RALGAPB: variants seen among roughly 807,000 people sequenced by gnomAD.
RALGAPB encodes Ral GTPase activating protein non-catalytic subunit beta, also known as ral GTPase-activating protein subunit beta.
Under a neutral mutation model 161.1 loss-of-function variants are expected in RALGAPB, and 25 were observed. That is an observed-to-expected ratio of 0.16 (90% CI 0.11 to 0.22). The LOEUF is 0.22. Ranked by LOEUF, RALGAPB falls within the 10% of genes least tolerant of loss-of-function variation. RALGAPB has a pLI of 1.00. For missense variants in RALGAPB, 1,391 were observed against 1,815.2 expected (o/e 0.77, Z 4.25); for synonymous variants, 629 against 626.1 (o/e 1.00, Z -0.07).
chr20:38,531,952 A>G (rs1305228708), intron 14 of RALGAPB, among the ~76,000 whole-genome samples: 1 of 152,248 alleles, frequency 6.6e-6, no homozygotes, highest in Non-Finnish European at 1.5e-5. Flanking sequence ...GCCCCTATAC[A>G]TACGGGAGTT....
chr20:38,517,795 T>C lies in RALGAPB; in HGVS notation c.1212T>C (p.Ala404=). ...TGTTCGTCTAATAGGTTAGTACTGC[T>C]CATGCCTCTAAAGTTCAGCACCAGA... is the stretch of plus-strand genomic sequence containing the variant. The part of the protein sequence containing the change: ...ATMKTSTVST[A]HASKVQHQTS... The change falls in exon 9 of 30, where the codon GCT becomes GCC. Residue 404 remains alanine (A), a synonymous_variant. Coordinates refer to ENST00000262879, the MANE Select transcript of RALGAPB (RefSeq NM_020336.4). 1.9e-6 allele frequency: 3 copies of C among 1,613,056 alleles called. No homozygotes were observed. Among genetic ancestry groups the C allele is most frequent in the Non-Finnish European group, 2.5e-6 (3 of 1,178,982 alleles).
chr20:38,497,664 C>T, intron 4 of RALGAPB, 148 bp downstream of exon 4: 1 of 879,440 alleles, frequency 1.1e-6, no homozygotes, highest in South Asian at 1.8e-5. Flanking sequence ...TGGAAACTCT[C>T]AGGCACAATA....
At chr20:38,540,641 A>AAT (rs1469706521) in intron 17 of RALGAPB, among the ~76,000 whole-genome samples, 1 of 152,160 alleles carries the variant, frequency 6.6e-6, no homozygotes, top group Admixed American at 6.5e-5. Flanking sequence ...TGGATATTAT[A>AAT]ATATGTCTTA....
At chr20:38,520,648 C>G (rs1380137376) in intron 9 of RALGAPB, among the ~76,000 whole-genome samples, 2 of 148,890 alleles carry the variant, frequency 1.3e-5, no homozygotes, top group Non-Finnish European at 3.0e-5. Flanking sequence ...TTATTTAGGA[C>G]TAAAAATGGC....
chr20:38,539,865 T>A lies in RALGAPB; in HGVS notation c.2469T>A (p.Pro823=), dbSNP rs61737886. ...TTTATCAGTGTAGTCGGCCAGCTCC[T>A]TTACACTCCAGGGATCTGCACTCCA... ...YIVYQCSRPA[P]LHSRDLHSMI... The change falls in exon 17 of 30, where the codon CCT becomes CCA. Residue 823 remains proline, a synonymous_variant. Transcript: ENST00000262879. The A allele has an allele frequency of 2.3e-4, 378 of 1,614,134 alleles. 1 individual carries two copies. The African/African-American group carries it at 4.5e-3, about 19-fold the overall frequency.
intron 16 of RALGAPB, among the ~76,000 whole-genome samples, chr20:38,535,560 C>G (rs1482633449): frequency 6.6e-6 from 1 of 151,238 alleles, no homozygotes; most frequent in African/African-American, 2.4e-5. Flanking sequence ...CTGCCATCCT[C>G]CATTATCAGA....
intron 21 of RALGAPB, among the ~76,000 whole-genome samples, chr20:38,552,420 C>T (rs2087409496): frequency 6.6e-6 from 1 of 152,170 alleles, no homozygotes; most frequent in Non-Finnish European, 1.5e-5. Context: ...CTGAGAATTA[C>T]AGGTGTAAGC....
intron 27 of RALGAPB, 42 bp downstream of exon 27, chr20:38,570,038 A>G (rs1253145014): frequency 2.0e-6 from 3 of 1,501,998 alleles, no homozygotes; most frequent in Non-Finnish European, 2.8e-6. Context: ...ATGGCAATAT[A>G]TGACAGTGAC....
At chr20:38,508,200 A>G (rs2085824767) in intron 5 of RALGAPB, among the ~76,000 whole-genome samples, 1 of 151,962 alleles carries the variant, frequency 6.6e-6, no homozygotes, top group Non-Finnish European at 1.5e-5. Context: ...TTACATATAA[A>G]CATATAAATG....
rs1278311931 is a variant in RALGAPB, at chr20:38,578,490, T to C, written c.*3523T>C. 2.6e-5 allele frequency: 4 copies of C among 152,634 alleles called. No individual in the cohort carries two copies. The highest frequency in any genetic ancestry group is 4.4e-5 in the Non-Finnish European group (3 of 68,034). 9.5% of individuals were successfully genotyped at this position (152,634 alleles called of 1,614,324 possible). A position where few individuals can be genotyped will look rare whatever the true frequency, so the allele number is the denominator to read the frequency against. On this transcript the variant is annotated 3_prime_UTR_variant, in exon 30 of 30. Transcript: ENST00000262879. Reference sequence around the variant, plus strand: ...GCAAACCAAGTTTCCCAAGTCCTCATCTCTTATAGTGACCAAGACATCTTT... The same window carrying C: ...GCAAACCAAGTTTCCCAAGTCCTCACCTCTTATAGTGACCAAGACATCTTT...
chr20:38,483,183 C>G (rs1329917960), intron 1 of RALGAPB, among the ~76,000 whole-genome samples: 2 of 152,244 alleles, frequency 1.3e-5, no homozygotes, highest in Non-Finnish European at 2.9e-5. Context: ...GCCACCATAC[C>G]TGGCCTTATT....
chr20:38,550,751 G>A (rs2087347393), intron 20 of RALGAPB, among the ~76,000 whole-genome samples: 1 of 152,180 alleles, frequency 6.6e-6, no homozygotes, highest in African/African-American at 2.4e-5. Flanking sequence ...GAGAGTTTGA[G>A]TCTTAAAGCT....
chr20:38,499,881 T>C (rs902077573), intron 5 of RALGAPB: 4 of 285,542 alleles, frequency 1.4e-5, no homozygotes, highest in African/African-American at 6.5e-5. Flanking sequence ...AAAATTCCAC[T>C]CTTATTTTGA....
intron 15 of RALGAPB, 71 bp downstream of exon 15, chr20:38,532,930 A>T (rs2086700488): frequency 6.8e-7 from 1 of 1,475,752 alleles, no homozygotes; most frequent in African/African-American, 1.4e-5. Flanking sequence ...TAAAACAAAA[A>T]CATTAAAAAT....
intron 2 of RALGAPB, among the ~76,000 whole-genome samples, chr20:38,489,226 T>C (rs2085207465): frequency 6.6e-6 from 1 of 152,222 alleles, no homozygotes; most frequent in Non-Finnish European, 1.5e-5. Context: ...TCACTCATGC[T>C]GGTGTGCAGT....
chr20:38,513,481 TG>T (rs1254919858), intron 6 of RALGAPB, among the ~76,000 whole-genome samples: 1 of 20,638 alleles, frequency 4.8e-5, no homozygotes, highest in South Asian at 1.7e-3. Context: ...CGGTGGGGGG[TG>T]GGGGGGAAGC....
rs1181077460 is a variant in RALGAPB, at chr20:38,518,018, A to C, written c.1417+18A>C. On this transcript the variant is annotated intron_variant, in intron 9 of 29. Coordinates refer to ENST00000262879, the MANE Select transcript of RALGAPB (RefSeq NM_020336.4). ...CATGACTGGTAAATATTACTCAAGA[A>C]ATATGTTATCATTATTTTCCTTTTC... 6.3e-7 allele frequency: 1 copy of C among 1,574,948 alleles called. No individual in the cohort carries two copies. The highest frequency in any genetic ancestry group is 8.7e-7 in the Non-Finnish European group (1 of 1,144,610).
rs887346178 is a variant in RALGAPB at position 38,525,020 on chromosome 20, C to T, written c.1787+75C>T. On this transcript the variant is annotated intron_variant, in intron 11 of 29. Transcript: ENST00000262879. Reference sequence around the variant, plus strand: ...CTGTTGGTGCTTCCTCCCCAGTTTCCTAATGTATCCTGTCCAGTTGTCTTC... The same window carrying T: ...CTGTTGGTGCTTCCTCCCCAGTTTCTTAATGTATCCTGTCCAGTTGTCTTC... 8.7e-6 allele frequency: 12 copies of T among 1,385,654 alleles called. No homozygotes were observed. The African/African-American group carries it at 1.6e-4, about 18-fold the overall frequency. The allele number at this position is 1,385,654 out of a possible 1,614,324, so 85.8% of individuals were successfully genotyped here.
chr20:38,531,796 G>A (rs1251124006), intron 14 of RALGAPB, among the ~76,000 whole-genome samples: 1 of 152,132 alleles, frequency 6.6e-6, no homozygotes, highest in African/African-American at 2.4e-5. Flanking sequence ...AGTAAGCTGA[G>A]TAGATGTAAG....
Sources: gnomAD v4.1 joint callset for allele counts (sites outside exome capture counted in the v4.1 genomes callset) on GRCh38, gnomAD v4.1.1 for gene constraint, MANE v1.5 for transcripts, NCBI Gene and HGNC (gene_info 2026-07-23, HGNC 2026-07-21) for gene names.